MGAT3: variants seen among roughly 807,000 people sequenced by gnomAD.
MGAT3 encodes the protein beta-1,4-mannosyl-glycoprotein 4-beta-N-acetylglucosaminyltransferase, also known as GlcNAc-T III.
A neutral mutation model predicts 29.8 loss-of-function variants in MGAT3; 9 were observed. The ratio of observed to expected loss-of-function variants is 0.30; its 90% CI spans 0.18 to 0.53. The LOEUF (loss-of-function observed/expected upper bound fraction) is 0.53, where lower values mean the gene tolerates loss of function less well. MGAT3 is among the 20% of genes least tolerant of loss of function. MGAT3 has a pLI of 0.96. For missense variants in MGAT3, 557 were observed against 769.5 expected (o/e 0.72, Z 3.27); for synonymous variants, 397 against 348.9 (o/e 1.14, Z -1.54).
At position 39,460,040 on chromosome 22, in the gene MGAT3, G is replaced by A. The variant is rs377330935; in HGVS notation, c.-2+2483G>A. Among the ~76,000 whole-genome samples, 3 of 152,342 alleles carry A rather than the reference G, an allele frequency of 2.0e-5. No homozygotes were observed. The South Asian group carries it at 6.2e-4, about 32-fold the overall frequency. ...GAAGACTACATAAGCAGTGAGGAGT[G>A]GCCAGAGGCAGGGTGGTCTGCAAAG... On this transcript the variant is annotated intron_variant, in intron 1 of 1. Transcript: ENST00000341184.
intron 1 of MGAT3, chr22:39,475,871 G>C (rs986475180): frequency 1.3e-5 from 2 of 152,288 alleles, no homozygotes; most frequent in Non-Finnish European, 2.9e-5. Flanking sequence ...AACTACTCAC[G>C]AGGCTGAGAT....
chr22:39,484,013 G>A (rs1929200677), intron 1 of MGAT3, among the ~76,000 whole-genome samples: 1 of 152,200 alleles, frequency 6.6e-6, no homozygotes, highest in Non-Finnish European at 1.5e-5. Context: ...AGCCTGCTCA[G>A]GACTCCTCGC....
chr22:39,488,547 C>T lies in MGAT3; in HGVS notation c.1200C>T (p.Gly400=). The change falls in exon 2 of 2, where the codon GGC becomes GGT. Residue 400 remains glycine (G), a synonymous_variant. Coordinates refer to ENST00000341184, the MANE Select transcript of MGAT3 (RefSeq NM_002409.5). Reference sequence around the variant, plus strand: ...TCAGACAGTATGAGAACCGCACCGGCCACATCCTGGTGCAGTGGTCGCTGG... The same window carrying T: ...TCAGACAGTATGAGAACCGCACCGGTCACATCCTGGTGCAGTGGTCGCTGG... The part of the protein sequence containing the change: ...PNFRQYENRT[G]HILVQWSLGS... 6.2e-7 allele frequency: 1 copy of T among 1,613,356 alleles called. No homozygotes were observed. Among genetic ancestry groups the T allele is most frequent in the Admixed American group, 1.7e-5 (1 of 60,036 alleles).
intron 1 of MGAT3, among the ~76,000 whole-genome samples, chr22:39,466,049 G>A (rs1928636674): frequency 6.6e-6 from 1 of 152,196 alleles, no homozygotes; most frequent in Non-Finnish European, 1.5e-5. Flanking sequence ...GGAAGAGAAA[G>A]GCCTGCGAGG....
At chr22:39,468,977 C>T (rs1256023030) in intron 1 of MGAT3, among the ~76,000 whole-genome samples, 1 of 151,978 alleles carries the variant, frequency 6.6e-6, no homozygotes, top group Non-Finnish European at 1.5e-5. Flanking sequence ...GGAGGGGCAG[C>T]ATCAGATGTG....
Position 39,487,779 on chromosome 22 carries a change from G to T in MGAT3, c.432G>T (p.Ser144=), listed in dbSNP as rs749520488. The change falls in exon 2 of 2, where the codon TCG becomes TCT. Residue 144 remains serine, a synonymous_variant. Coordinates refer to ENST00000341184, the MANE Select transcript of MGAT3 (RefSeq NM_002409.5). The surrounding 1 kb of genome is among the most constrained non-coding windows in gnomAD (Gnocchi z 5.7). ...AGCCTGAGGGGGCCAACGGCTCCTC[G>T]GCCCGGCGGCCACCCCGGTACCTCC... ...EEKPEGANGS[S]ARRPPRYLLS... is the part of the protein sequence containing the mutation. 18 of 1,491,744 alleles carry T rather than the reference G, an allele frequency of 1.2e-5. No homozygotes were observed. Among genetic ancestry groups the T allele is most frequent in the Non-Finnish European group, 1.6e-5 (18 of 1,123,528 alleles). The allele number at this position is 1,491,744 out of a possible 1,614,324, so 92.4% of individuals were successfully genotyped here.
At chr22:39,468,300 C>T (rs1928713251) in intron 1 of MGAT3, among the ~76,000 whole-genome samples, 2 of 152,242 alleles carry the variant, frequency 1.3e-5, no homozygotes, top group Admixed American at 1.3e-4. Flanking sequence ...CCCAGGTCCC[C>T]ACGGTGGCAG....
intron 1 of MGAT3, among the ~76,000 whole-genome samples, chr22:39,468,694 G>T (rs2145714064): frequency 6.6e-6 from 1 of 152,202 alleles, no homozygotes; most frequent in Admixed American, 6.5e-5. Flanking sequence ...GATTTGGCGT[G>T]GTCATTTATT....
At chr22:39,481,951 T>C (rs2145724069) in intron 1 of MGAT3, among the ~76,000 whole-genome samples, 1 of 152,222 alleles carries the variant, frequency 6.6e-6, no homozygotes, top group Admixed American at 6.5e-5. Context: ...TTGTCAATGC[T>C]TTGTTATTTT....
chr22:39,464,777 G>A (rs1928591575), intron 1 of MGAT3, among the ~76,000 whole-genome samples: 1 of 150,936 alleles, frequency 6.6e-6, no homozygotes, highest in Admixed American at 6.6e-5. Context: ...TTGAGACAGA[G>A]TCTTGCTCTG....
Position 39,488,411 on chromosome 22 carries a change from AGCC to A in MGAT3, c.1066_1068del (p.Pro356del). On this transcript the variant is annotated inframe_deletion, in exon 2 of 2. Coordinates refer to ENST00000341184, the MANE Select transcript of MGAT3 (RefSeq NM_002409.5). The stretch of plus-strand genomic sequence containing the variant: ...TCGCTCTACGGCTTCTTCTGGAAGC[AGCC>A]GGGCACCCTGGAGGTGGTGTCAGGC... 6.2e-7 allele frequency: 1 copy of A among 1,612,880 alleles called. No homozygotes were observed. The highest frequency in any genetic ancestry group is 8.5e-7 in the Non-Finnish European group (1 of 1,180,034).
At chr22:39,480,445 C>G (rs1447127835) in intron 1 of MGAT3, among the ~76,000 whole-genome samples, 1 of 152,194 alleles carries the variant, frequency 6.6e-6, no homozygotes. Flanking sequence ...GGACCTCAAG[C>G]CACGTACATC....
intron 1 of MGAT3, among the ~76,000 whole-genome samples, chr22:39,471,073 C>A (rs1042082785): frequency 6.6e-6 from 1 of 152,100 alleles, no homozygotes; most frequent in Non-Finnish European, 1.5e-5. Flanking sequence ...TGTTATCTGA[C>A]GATGGCCACC....
intron 1 of MGAT3, among the ~76,000 whole-genome samples, chr22:39,462,427 GTGAA>G (rs1298373711): frequency 6.6e-6 from 1 of 152,270 alleles, no homozygotes; most frequent in Non-Finnish European, 1.5e-5. Context: ...GAATGAATGA[GTGAA>G]TGAATAATTC....
chr22:39,485,387 G>C (rs1929242422), intron 1 of MGAT3, among the ~76,000 whole-genome samples: 1 of 152,222 alleles, frequency 6.6e-6, no homozygotes. Context: ...TCCTAGTTGT[G>C]ACAAATGTAC....
chr22:39,479,462 G>A (rs1929061160), intron 1 of MGAT3, among the ~76,000 whole-genome samples: 2 of 152,190 alleles, frequency 1.3e-5, no homozygotes, highest in East Asian at 1.9e-4. Context: ...AGGAGGCGTG[G>A]CTTCCCAGCC....
chr22:39,464,592 C>CA (rs1928585987), intron 1 of MGAT3, among the ~76,000 whole-genome samples: 1 of 151,650 alleles, frequency 6.6e-6, no homozygotes, highest in African/African-American at 2.4e-5. Context: ...AGACGCCCAC[C>CA]ACCACACCCA....
chr22:39,481,540 C>T (rs549442456), intron 1 of MGAT3, among the ~76,000 whole-genome samples: 5 of 152,326 alleles, frequency 3.3e-5, no homozygotes, highest in African/African-American at 1.2e-4. Context: ...CTGGCAAAAT[C>T]GTTGCTGAGT....
rs573090953 is a variant in MGAT3, at chr22:39,464,111, C to T, written c.-2+6554C>T. On this transcript the variant is annotated intron_variant, in intron 1 of 1. Transcript: ENST00000341184. The stretch of plus-strand genomic sequence containing the variant: ...CCACCAGCTCTTCATACACCGCGCT[C>T]ACCCCTGCCCCACCGCCCCCGCCAT... 5.3e-4 allele frequency among the ~76,000 whole-genome samples: 80 copies of T among 152,106 alleles called. 2 individuals are homozygous for T. In the South Asian group the frequency reaches 0.016, roughly 30 times the overall value.
Sources: allele counts gnomAD v4.1 joint callset (sites outside exome capture counted in the v4.1 genomes callset), GRCh38; gene constraint gnomAD v4.1.1; non-coding constraint Gnocchi (gnomAD v3.1); transcripts MANE v1.5; gene names NCBI Gene and HGNC (gene_info 2026-07-23, HGNC 2026-07-21).